Variants in SLC24A2 observed in about 807,000 individuals in gnomAD.
SLC24A2 encodes sodium/potassium/calcium exchanger 2.
Under a neutral mutation model 62.0 loss-of-function variants are expected in SLC24A2, and 36 were observed. The ratio of observed to expected loss-of-function variants is 0.58; its 90% CI spans 0.44 to 0.77. SLC24A2 has a LOEUF of 0.77. SLC24A2 is among the 30% of genes least tolerant of loss of function. The pLI is 0.00. For synonymous variants in SLC24A2, 358 were observed against 294.0 expected, an observed-to-expected ratio of 1.22 and a Z score of -2.23; for missense variants, 846 against 817.9, an observed-to-expected ratio of 1.03 and a Z score of -0.42.
chr9:20,267,541 C>T, the SLC24A2 span, among the ~76,000 whole-genome samples: 1 of 152,176 alleles, frequency 6.6e-6, no homozygotes, highest in African/African-American at 2.4e-5. Context: ...CAGCCTTTAA[C>T]ACAGCCTAGA....
At chr9:19,693,604 C>T (rs566270977) in intron 2 of SLC24A2, among the ~76,000 whole-genome samples, 3 of 152,036 alleles carry the variant, frequency 2.0e-5, no homozygotes, top group African/African-American at 4.8e-5. Context: ...CAATCAAGTA[C>T]ATTTAGAGGA....
the SLC24A2 span, among the ~76,000 whole-genome samples, chr9:19,831,714 T>C: frequency 2.6e-5 from 4 of 152,222 alleles, no homozygotes; most frequent in African/African-American, 7.2e-5. Context: ...CAAAGACTTC[T>C]GGTAGTGAGA....
At chr9:19,916,688 C>T in the SLC24A2 span, among the ~76,000 whole-genome samples, 1 of 151,892 alleles carries the variant, frequency 6.6e-6, no homozygotes, top group Admixed American at 6.6e-5. Context: ...TGGAAAATGT[C>T]ATTTTTACAG....
chr9:19,717,361 C>T (rs559682931), intron 2 of SLC24A2, among the ~76,000 whole-genome samples: 1 of 152,302 alleles, frequency 6.6e-6, no homozygotes, highest in East Asian at 1.9e-4. Context: ...GCCCAGTACA[C>T]TCCAGTTTAT....
chr9:19,859,503 G>GT, the SLC24A2 span, among the ~76,000 whole-genome samples: 2 of 152,010 alleles, frequency 1.3e-5, no homozygotes, highest in African/African-American at 4.8e-5. Context: ...TAAAATAAAT[G>GT]TTAAAAATAA....
At chr9:19,995,103 G>T in the SLC24A2 span, among the ~76,000 whole-genome samples, 1 of 151,300 alleles carries the variant, frequency 6.6e-6, no homozygotes, top group Admixed American at 6.6e-5. Flanking sequence ...TCCATAGAAG[G>T]ATAATTATTT....
chr9:19,606,643 A>AAC lies in SLC24A2; in HGVS notation c.1079-9366_1079-9365dup, dbSNP rs530164924. 2.7e-3 allele frequency among the ~76,000 whole-genome samples: 407 copies of AAC among 151,972 alleles called. 2 individuals carry two copies. The highest frequency in any genetic ancestry group is 9.1e-3 in the African/African-American group (378 of 41,472). On this transcript the variant is annotated intron_variant, in intron 4 of 10. Transcript: ENST00000341998. ...TATGTTTCGTAAATGAATATATGAGAACACACACACACACGCACACACACA... is the reference window on the plus strand; with the variant it reads ...TATGTTTCGTAAATGAATATATGAGAACACACACACACACACGCACACACACA...
upstream of SLC24A2, among the ~76,000 whole-genome samples, chr9:19,790,557 C>T (rs1459210315): frequency 6.7e-6 from 1 of 148,572 alleles, no homozygotes; most frequent in Non-Finnish European, 1.5e-5. Flanking sequence ...AAGATAATCG[C>T]AATTGTTTAA....
the SLC24A2 span, among the ~76,000 whole-genome samples, chr9:20,248,103 G>C: frequency 6.6e-6 from 1 of 152,196 alleles, no homozygotes; most frequent in African/African-American, 2.4e-5. Flanking sequence ...GTGTGTTCTT[G>C]TTAAACTCAA....
chr9:20,146,263 C>A, the SLC24A2 span, among the ~76,000 whole-genome samples: 1 of 152,032 alleles, frequency 6.6e-6, no homozygotes, highest in African/African-American at 2.4e-5. Context: ...CAGAGAGAGT[C>A]TGGAAGGCAA....
chr9:19,510,116 CTGAGAT>C lies in SLC24A2; in HGVS notation c.*6031_*6036del, dbSNP rs1563917676. The C allele has an allele frequency of 6.6e-6, 1 of 152,002 alleles. No homozygotes were observed. The highest frequency in any genetic ancestry group is 1.5e-5 in the Non-Finnish European group (1 of 68,014). The allele number at this position is 152,002 out of a possible 1,614,324, so 9.4% of individuals were successfully genotyped here. On this transcript the variant is annotated 3_prime_UTR_variant, in exon 11 of 11. Coordinates refer to ENST00000341998, the MANE Select transcript of SLC24A2 (RefSeq NM_020344.4). The stretch of plus-strand genomic sequence containing the variant: ...CCCCAATTTTGAGTTCTTTGTGAGT[CTGAGAT>C]TATGACCTAATGACCTTAAAAGCAG...
intron 2 of SLC24A2, among the ~76,000 whole-genome samples, chr9:19,636,286 C>CCT (rs1818314054): frequency 1.1e-5 from 1 of 88,086 alleles, no homozygotes; most frequent in African/African-American, 4.9e-5. Context: ...CTCTTCTTCT[C>CCT]TTCTTTTCTT....
chr9:20,199,832 C>T, the SLC24A2 span, among the ~76,000 whole-genome samples: 104 of 151,578 alleles, frequency 6.9e-4, 1 homozygote, highest in African/African-American at 2.5e-3. Flanking sequence ...GATTCACGTG[C>T]CTCAGCCTCC....
chr9:20,024,473 A>C, the SLC24A2 span, among the ~76,000 whole-genome samples: 1 of 152,212 alleles, frequency 6.6e-6, no homozygotes, highest in Non-Finnish European at 1.5e-5. Flanking sequence ...GTTACTACCG[A>C]ATTTTTGACA....
the SLC24A2 span, among the ~76,000 whole-genome samples, chr9:20,179,676 G>T: frequency 6.6e-6 from 1 of 152,152 alleles, no homozygotes; most frequent in Non-Finnish European, 1.5e-5. Flanking sequence ...AAAGTGAATA[G>T]ATTGAGACTG....
intron 2 of SLC24A2, among the ~76,000 whole-genome samples, chr9:19,664,871 T>A (rs969046093): frequency 6.6e-6 from 1 of 152,136 alleles, no homozygotes; most frequent in Non-Finnish European, 1.5e-5. Flanking sequence ...GCCTTCAGAG[T>A]GAGCATGGCT....
chr9:19,546,007 G>A (rs898163529), intron 8 of SLC24A2, among the ~76,000 whole-genome samples: 1 of 152,198 alleles, frequency 6.6e-6, no homozygotes, highest in Non-Finnish European at 1.5e-5. Context: ...TCCAGACCCT[G>A]TTTGCCTGGA....
At chr9:19,618,203 T>G (rs1564000512) in intron 4 of SLC24A2, among the ~76,000 whole-genome samples, 1 of 152,166 alleles carries the variant, frequency 6.6e-6, no homozygotes, top group Admixed American at 6.5e-5. Context: ...TGCTTAGTAG[T>G]TGGGAGGAAG....
the SLC24A2 span, among the ~76,000 whole-genome samples, chr9:20,163,275 C>T: frequency 2.6e-5 from 4 of 152,138 alleles, no homozygotes; most frequent in South Asian, 2.1e-4. Context: ...TAAGCAACTT[C>T]AGCAAAGTCT....
Sources: allele counts gnomAD v4.1 joint callset (sites outside exome capture counted in the v4.1 genomes callset), GRCh38; gene constraint gnomAD v4.1.1; transcripts MANE v1.5; gene names NCBI Gene and HGNC (gene_info 2026-07-23, HGNC 2026-07-21).